OSBPL1A: variants seen among roughly 807,000 people sequenced by gnomAD.
The protein encoded by OSBPL1A is oxysterol-binding protein-related protein 1.
OSBPL1A carries 80 observed loss-of-function variants against 137.1 expected under a neutral mutation model. The observed-to-expected ratio is 0.58, with a 90% CI of 0.49 to 0.70. The LOEUF (loss-of-function observed/expected upper bound fraction) is 0.70, where lower values mean the gene tolerates loss of function less well. Among genes scored for constraint, OSBPL1A ranks in the 30% least tolerant of loss-of-function variants. The probability of loss-of-function intolerance (pLI) is 0.00; values close to 1 mark genes in which losing one functional copy is unlikely to be tolerated. For missense variants in OSBPL1A, 970 were observed against 1,129.4 expected (o/e 0.86, Z 2.02); for synonymous variants, 365 against 389.7 (o/e 0.94, Z 0.75).
intron 14 of OSBPL1A, among the ~76,000 whole-genome samples, chr18:24,296,546 A>G (rs2146094020): frequency 6.6e-6 from 1 of 152,276 alleles, no homozygotes; most frequent in South Asian, 2.1e-4. Context: ...TACGTTGAAT[A>G]GGAAGTGGTA....
intron 15 of OSBPL1A, among the ~76,000 whole-genome samples, chr18:24,270,592 T>C (rs879131499): frequency 8.5e-5 from 13 of 152,212 alleles, no homozygotes; most frequent in African/African-American, 2.9e-4. Context: ...AGCTCCCTGG[T>C]AGTTATGCTC....
At chr18:24,193,290 C>G (rs2086939583) in intron 18 of OSBPL1A, among the ~76,000 whole-genome samples, 1 of 152,052 alleles carries the variant, frequency 6.6e-6, no homozygotes, top group Non-Finnish European at 1.5e-5. Flanking sequence ...AGTTCGAGAC[C>G]AGTCTGGCCA....
At chr18:24,238,897 GC>G (rs2088587493) in intron 16 of OSBPL1A, among the ~76,000 whole-genome samples, 1 of 152,132 alleles carries the variant, frequency 6.6e-6, no homozygotes, top group South Asian at 2.1e-4. Flanking sequence ...TACAATATGT[GC>G]TAATGCCTGG....
chr18:24,339,663 A>T (rs1209367408), intron 5 of OSBPL1A, among the ~76,000 whole-genome samples: 5 of 152,236 alleles, frequency 3.3e-5, no homozygotes. Flanking sequence ...ATGACAGGAC[A>T]TAATTAAAGA....
intron 1 of OSBPL1A, among the ~76,000 whole-genome samples, chr18:24,393,028 T>TATATTCTTTTA (rs1907469993): frequency 1.3e-5 from 2 of 152,148 alleles, no homozygotes; most frequent in Admixed American, 1.3e-4. Flanking sequence ...CTCCTGACGT[T>TATATTCTTTTA]ATATTCTTTT....
chr18:24,184,213 T>G (rs1202461617), intron 18 of OSBPL1A, among the ~76,000 whole-genome samples: 1 of 150,490 alleles, frequency 6.6e-6, no homozygotes, highest in East Asian at 2.0e-4. Context: ...ATTAATTAAT[T>G]TATTTTTTTA....
At chr18:24,244,712 A>C (rs2088829249) in intron 15 of OSBPL1A, among the ~76,000 whole-genome samples, 2 of 152,220 alleles carry the variant, frequency 1.3e-5, no homozygotes, top group Admixed American at 1.3e-4. Context: ...CAAAATCCAT[A>C]GTGGCTATTT....
At chr18:24,312,275 A>G (rs901897824) in intron 12 of OSBPL1A, among the ~76,000 whole-genome samples, 169 bp from the exon 13 acceptor site, 3 of 152,256 alleles carry the variant, frequency 2.0e-5, no homozygotes, top group Non-Finnish European at 4.4e-5. Context: ...TCTCTTGTCC[A>G]TGATATGTCT....
intron 11 of OSBPL1A, among the ~76,000 whole-genome samples, chr18:24,316,889 T>C (rs924159320): frequency 2.6e-5 from 4 of 152,236 alleles, no homozygotes; most frequent in Non-Finnish European, 4.4e-5. Context: ...CTGGGTAAAT[T>C]TGACAAATAT....
intron 12 of OSBPL1A, among the ~76,000 whole-genome samples, chr18:24,313,326 A>AGGT: frequency 1.3e-5 from 2 of 151,818 alleles, no homozygotes; most frequent in Middle Eastern, 6.8e-3. Flanking sequence ...CTGTAATCCC[A>AGGT]GCTACTCAGG....
chr18:24,372,659 G>A (rs1365135702), intron 2 of OSBPL1A, among the ~76,000 whole-genome samples: 4 of 152,030 alleles, frequency 2.6e-5, no homozygotes, highest in Admixed American at 6.6e-5. Context: ...TTGCCACTGC[G>A]TCTGCCCCCA....
intron 17 of OSBPL1A, among the ~76,000 whole-genome samples, chr18:24,220,682 G>C (rs2087860657): frequency 6.6e-6 from 1 of 152,136 alleles, no homozygotes; most frequent in Non-Finnish European, 1.5e-5. Context: ...CTGATAGACA[G>C]AGTATTTTTC....
Position 24,271,747 on chromosome 18 carries a change from A to C in OSBPL1A, c.1281+9095T>G. 1.0e-6 allele frequency: 1 copy of C among 985,490 alleles called. No individual in the cohort carries two copies. Among genetic ancestry groups the C allele is most frequent in the Non-Finnish European group, 1.2e-6 (1 of 830,102 alleles). The allele number at this position is 985,490 out of a possible 1,614,324, so 61.0% of individuals were successfully genotyped here. A position where few individuals can be genotyped will look rare whatever the true frequency, so the allele number is the denominator to read the frequency against. ...TCGAGCCGAGGCGAGCCGATCCGGG[A>C]GGCGCGACCCAGGGCGGCCCGCAAG... On this transcript the variant is annotated intron_variant, in intron 15 of 27. Transcript: ENST00000319481. The surrounding 1 kb of genome is among the most constrained non-coding windows in gnomAD (Gnocchi z 4.0).
intron 16 of OSBPL1A, among the ~76,000 whole-genome samples, chr18:24,233,531 C>A (rs754802604): frequency 1.3e-5 from 2 of 152,186 alleles, no homozygotes; most frequent in African/African-American, 2.4e-5. Context: ...GACATTTCTT[C>A]AACAACCTGC....
chr18:24,318,449 T>TAAA, intron 9 of OSBPL1A, 152 bp downstream of exon 9: 1 of 573,302 alleles, frequency 1.7e-6, no homozygotes, highest in Non-Finnish European at 2.9e-6. Flanking sequence ...TAACTAAAAA[T>TAAA]AAAAAAAAAA....
At chr18:24,227,184 C>T (rs909268989) in intron 16 of OSBPL1A, among the ~76,000 whole-genome samples, 2 of 152,162 alleles carry the variant, frequency 1.3e-5, no homozygotes, top group African/African-American at 4.8e-5. Flanking sequence ...TGAGCCACTG[C>T]GCCTGGCCAG....
intron 15 of OSBPL1A, among the ~76,000 whole-genome samples, chr18:24,265,097 T>C (rs949860114): frequency 2.6e-5 from 4 of 152,206 alleles, no homozygotes; most frequent in Admixed American, 2.6e-4. Flanking sequence ...TAATACCGAT[T>C]CTGAGACTTT....
At chr18:24,164,578 G>A (rs558934404) in intron 27 of OSBPL1A, among the ~76,000 whole-genome samples, 62 of 152,026 alleles carry the variant, frequency 4.1e-4, no homozygotes, top group African/African-American at 6.0e-4. Flanking sequence ...ACAGGCGCCC[G>A]CCACCACGCC....
intron 14 of OSBPL1A, among the ~76,000 whole-genome samples, chr18:24,296,530 C>T (rs994369552): frequency 6.6e-6 from 1 of 152,144 alleles, no homozygotes; most frequent in African/African-American, 2.4e-5. Context: ...CTAGGACTTC[C>T]AGTACTACGT....
Sources: gnomAD v4.1 joint callset for allele counts (sites outside exome capture counted in the v4.1 genomes callset) on GRCh38, gnomAD v4.1.1 for gene constraint, Gnocchi (gnomAD v3.1) non-coding constraint, MANE v1.5 for transcripts, NCBI Gene and HGNC (gene_info 2026-07-23, HGNC 2026-07-21) for gene names.